The following ARHGAP15 variants were observed in gnomAD, a reference collection of about 807,000 sequenced individuals.
The protein encoded by ARHGAP15 is Rho GTPase activating protein 15, also known as rho GTPase-activating protein 15.
ARHGAP15 carries 51 observed loss-of-function variants against 63.7 expected under a neutral mutation model. The observed-to-expected ratio is 0.80, with a 90% CI of 0.64 to 1.01. The LOEUF (loss-of-function observed/expected upper bound fraction) is 1.01, where lower values mean the gene tolerates loss of function less well. ARHGAP15 is among the 50% of genes least tolerant of loss of function. The probability of loss-of-function intolerance (pLI) is 0.00; values close to 1 mark genes in which losing one functional copy is unlikely to be tolerated. For synonymous variants in ARHGAP15, 191 were observed against 193.8 expected, an observed-to-expected ratio of 0.99 and a Z score of 0.12; for missense variants, 560 against 564.6, an observed-to-expected ratio of 0.99 and a Z score of 0.08.
At chr2:143,269,980 T>C (rs1681190607) in intron 6 of ARHGAP15, among the ~76,000 whole-genome samples, 1 of 152,202 alleles carries the variant, frequency 6.6e-6, no homozygotes, top group Admixed American at 6.5e-5. Flanking sequence ...TTACTTTTTT[T>C]TGTTTTTTAA....
At chr2:143,504,195 T>A (rs1693199678) in intron 9 of ARHGAP15, among the ~76,000 whole-genome samples, 1 of 152,220 alleles carries the variant, frequency 6.6e-6, no homozygotes, top group Admixed American at 6.5e-5. Context: ...TTTTGCACAA[T>A]CCCAGGCTTA....
Position 143,319,627 on chromosome 2 carries a change from C to T in ARHGAP15, c.474+69027C>T, listed in dbSNP as rs139848071. ...TGTATTCTCTCTTCTATTTATTCTT[C>T]TTTCCTACTTATTTTATGAAACTCT... On this transcript the variant is annotated intron_variant, in intron 6 of 13. Transcript: ENST00000295095. Among the ~76,000 whole-genome samples the T allele has an allele frequency of 8.5e-5, 13 of 152,294 alleles. No individual in the cohort carries two copies. The East Asian group carries it at 2.5e-3, about 29-fold the overall frequency.
intron 12 of ARHGAP15, among the ~76,000 whole-genome samples, chr2:143,690,716 A>T (rs77827215): frequency 1.3e-5 from 2 of 152,166 alleles, no homozygotes; most frequent in Non-Finnish European, 2.9e-5. Context: ...TAGAAAAAAA[A>T]GTTTCTCTTG....
intron 9 of ARHGAP15, among the ~76,000 whole-genome samples, chr2:143,488,080 G>T (rs1320184556): frequency 6.6e-6 from 1 of 152,206 alleles, no homozygotes; most frequent in Non-Finnish European, 1.5e-5. Context: ...ATGATTGTAA[G>T]AATAGATGAT....
At chr2:143,388,722 G>T (rs1359684278) in intron 6 of ARHGAP15, among the ~76,000 whole-genome samples, 1 of 152,070 alleles carries the variant, frequency 6.6e-6, no homozygotes, top group Non-Finnish European at 1.5e-5. Context: ...TTCCTTTTAA[G>T]AGTGCTTCTG....
chr2:143,346,180 TCTCA>T (rs1451511778), intron 6 of ARHGAP15, among the ~76,000 whole-genome samples: 4 of 124,394 alleles, frequency 3.2e-5, no homozygotes, highest in East Asian at 4.8e-4. Context: ...ACACTCTCTC[TCTCA>T]CACACACACT....
chr2:143,655,085 A>G (rs913791338), intron 12 of ARHGAP15, among the ~76,000 whole-genome samples: 1 of 152,118 alleles, frequency 6.6e-6, no homozygotes. Context: ...TAAAATACGA[A>G]TTCTGATAAA....
intron 6 of ARHGAP15, among the ~76,000 whole-genome samples, chr2:143,283,947 A>G (rs1182121134): frequency 3.3e-5 from 5 of 152,142 alleles, no homozygotes; most frequent in Middle Eastern, 3.4e-3. Context: ...TCTATCGCCA[A>G]TCCTTTCCCC....
At chr2:143,370,519 G>A (rs956229130) in intron 6 of ARHGAP15, among the ~76,000 whole-genome samples, 1 of 88,862 alleles carries the variant, frequency 1.1e-5, no homozygotes, top group Non-Finnish European at 2.2e-5. Flanking sequence ...TAGTACTATT[G>A]TATCAAGTCA....
intron 8 of ARHGAP15, among the ~76,000 whole-genome samples, chr2:143,447,124 G>A (rs956852058): frequency 6.6e-6 from 1 of 152,128 alleles, no homozygotes; most frequent in East Asian, 1.9e-4. Context: ...ATGATTTATA[G>A]TCCTTTGGGT....
chr2:143,448,508 G>A (rs1354735610), intron 8 of ARHGAP15, among the ~76,000 whole-genome samples: 3 of 152,046 alleles, frequency 2.0e-5, no homozygotes, highest in Admixed American at 6.6e-5. Flanking sequence ...TGTACCATAT[G>A]CTGCAGGTCC....
At chr2:143,605,617 G>A (rs1697960697) in intron 11 of ARHGAP15, among the ~76,000 whole-genome samples, 3 of 151,918 alleles carry the variant, frequency 2.0e-5, no homozygotes, top group Admixed American at 2.0e-4. Context: ...AAGGTATGCT[G>A]CCTCAGGAAT....
chr2:143,612,549 A>G (rs941022429), intron 11 of ARHGAP15, among the ~76,000 whole-genome samples: 7 of 152,152 alleles, frequency 4.6e-5, no homozygotes, highest in Non-Finnish European at 1.5e-5. Context: ...CACCTGTCAG[A>G]ATGAACCATT....
chr2:143,137,959 T>C (rs191444062), intron 1 of ARHGAP15, among the ~76,000 whole-genome samples: 64 of 152,282 alleles, frequency 4.2e-4, no homozygotes, highest in African/African-American at 1.5e-3. Flanking sequence ...ATTCATACTT[T>C]GATGGTTCTC....
rs527979877 is a variant in ARHGAP15 at position 143,138,117 on chromosome 2, T to C, written c.-15+8651T>C. Reference sequence around the variant, plus strand: ...CAGTTGCTTGAGAAATTCATCAATATAAATTATTAGAGTGAGATTCTTAAT... The same window carrying C: ...CAGTTGCTTGAGAAATTCATCAATACAAATTATTAGAGTGAGATTCTTAAT... On this transcript the variant is annotated intron_variant, in intron 1 of 13. Coordinates refer to ENST00000295095, the MANE Select transcript of ARHGAP15 (RefSeq NM_018460.4). 2.6e-5 allele frequency among the ~76,000 whole-genome samples: 4 copies of C among 152,232 alleles called. No homozygotes were observed. In the East Asian group the frequency reaches 7.7e-4, roughly 29 times the overall value.
At chr2:143,522,647 G>T (rs911441095) in intron 10 of ARHGAP15, among the ~76,000 whole-genome samples, 13 of 152,094 alleles carry the variant, frequency 8.5e-5, no homozygotes, top group African/African-American at 3.1e-4. Flanking sequence ...AAGAAGAATT[G>T]TCTTGGGCTA....
intron 13 of ARHGAP15, among the ~76,000 whole-genome samples, chr2:143,715,278 C>CAG (rs1191729480): frequency 6.6e-6 from 1 of 152,158 alleles, no homozygotes; most frequent in African/African-American, 2.4e-5. Flanking sequence ...TGGGAAAGAC[C>CAG]AGCCCCTGTG....
intron 12 of ARHGAP15, among the ~76,000 whole-genome samples, chr2:143,674,363 T>A (rs181283418): frequency 6.6e-6 from 1 of 152,246 alleles, no homozygotes; most frequent in Non-Finnish European, 1.5e-5. Context: ...AGCTAAAGAA[T>A]CCAGACACAA....
chr2:143,595,911 G>C (rs933913139), intron 11 of ARHGAP15, among the ~76,000 whole-genome samples: 12 of 152,026 alleles, frequency 7.9e-5, no homozygotes, highest in African/African-American at 2.9e-4. Context: ...TTCAAACCAA[G>C]ATCCATCCCT....
Sources: gnomAD v4.1 joint callset for allele counts (sites outside exome capture counted in the v4.1 genomes callset) on GRCh38, gnomAD v4.1.1 for gene constraint, MANE v1.5 for transcripts, NCBI Gene and HGNC (gene_info 2026-07-23, HGNC 2026-07-21) for gene names.